The following GATA4 variants were observed in gnomAD, a reference collection of about 807,000 sequenced individuals.
GATA4 encodes transcription factor GATA-4.
In GATA4, 7 loss-of-function variants were observed where a neutral mutation model predicts 37.9. The ratio of observed to expected loss-of-function variants is 0.18; its 90% CI spans 0.11 to 0.35. GATA4 has a LOEUF of 0.35. Among genes scored for constraint, GATA4 ranks in the 10% least tolerant of loss-of-function variants. The pLI is 1.00. For missense variants in GATA4, 647 were observed against 653.0 expected, an observed-to-expected ratio of 0.99 and a Z score of 0.10; for synonymous variants, 372 against 292.6, an observed-to-expected ratio of 1.27 and a Z score of -2.77.
chr8:11,732,202 T>G (rs1011580590), intron 2 of GATA4, among the ~76,000 whole-genome samples: 1 of 152,244 alleles, frequency 6.6e-6, no homozygotes, highest in African/African-American at 2.4e-5. Flanking sequence ...ATTAACCATG[T>G]GTAATAAAAG....
At chr8:11,748,847 A>G in intron 2 of GATA4, 69 bp from the exon 3 acceptor site, 2 of 1,554,678 alleles carry the variant, frequency 1.3e-6, no homozygotes, top group South Asian at 1.1e-5. Flanking sequence ...AGATTCTCAG[A>G]TGTGAGAGCT....
chr8:11,693,562 C>CAGAGAGAGAGAGAGAGAGAGAG (rs139631153), intron 1 of GATA4, among the ~76,000 whole-genome samples: 11 of 72,228 alleles, frequency 1.5e-4, no homozygotes, highest in African/African-American at 5.0e-4. Flanking sequence ...CACACACACA[C>CAGAGAGAGAGAGAGAGAGAGAG]AGAGAGAGAG....
chr8:11,729,747 C>T (rs777090472), intron 2 of GATA4, among the ~76,000 whole-genome samples: 9 of 152,158 alleles, frequency 5.9e-5, no homozygotes, highest in Non-Finnish European at 1.0e-4. Context: ...GGGTTAAGTC[C>T]GCTGCCTTGT....
chr8:11,716,755 A>T (rs955003991), intron 2 of GATA4, among the ~76,000 whole-genome samples: 1 of 152,234 alleles, frequency 6.6e-6, no homozygotes, highest in East Asian at 1.9e-4. Context: ...AACCGGCTGC[A>T]GCGGTGGGAT....
intron 2 of GATA4, among the ~76,000 whole-genome samples, chr8:11,747,487 A>G (rs1466312573): frequency 6.6e-6 from 1 of 152,234 alleles, no homozygotes; most frequent in Non-Finnish European, 1.5e-5. Context: ...TGCTTATAAT[A>G]TGCACCTTTA....
At chr8:11,736,514 A>G (rs1310468518) in intron 2 of GATA4, among the ~76,000 whole-genome samples, 1 of 152,210 alleles carries the variant, frequency 6.6e-6, no homozygotes, top group African/African-American at 2.4e-5. Context: ...TCACTGCATC[A>G]GGAGAGCCCT....
chr8:11,727,354 G>GTT (rs1800976313), intron 2 of GATA4, among the ~76,000 whole-genome samples: 1 of 152,180 alleles, frequency 6.6e-6, no homozygotes, highest in Non-Finnish European at 1.5e-5. Context: ...TGCTGGGAAG[G>GTT]GGGGAGAGCT....
chr8:11,746,364 C>G (rs1802029989), intron 2 of GATA4, among the ~76,000 whole-genome samples: 1 of 152,072 alleles, frequency 6.6e-6, no homozygotes, highest in Non-Finnish European at 1.5e-5. Context: ...TGAACCCGGT[C>G]TCTAAAGAGC....
rs2130070594 is a variant in GATA4 at position 11,708,739 on chromosome 8, C to T, written c.427C>T (p.Leu143=). 1.5e-6 allele frequency: 2 copies of T among 1,318,728 alleles called. No individual in the cohort carries two copies. Among genetic ancestry groups the T allele is most frequent in the Non-Finnish European group, 1.9e-6 (2 of 1,041,698 alleles). 81.7% of individuals were successfully genotyped at this position (1,318,728 alleles called of 1,614,324 possible). A position where few individuals can be genotyped will look rare whatever the true frequency, so the allele number is the denominator to read the frequency against. Residue 143 remains leucine (L), a synonymous_variant, in exon 2 of 7, where the codon CTG becomes TTG. Coordinates refer to ENST00000532059, the MANE Select transcript of GATA4 (RefSeq NM_001308093.3). The surrounding 1 kb of genome is among the most constrained non-coding windows in gnomAD (Gnocchi z 6.7). The stretch of plus-strand genomic sequence containing the variant: ...TGGCGGCGGAGCGGCGGGTGCGGGC[C>T]TGGCGGGCCGCGAGCAGTACGGGCG... ...SSGGGAAGAG[L]AGREQYGRAG...
chr8:11,688,809 A>C (rs1799223506), upstream of GATA4, among the ~76,000 whole-genome samples: 1 of 152,262 alleles, frequency 6.6e-6, no homozygotes, highest in Non-Finnish European at 1.5e-5. Flanking sequence ...GCCCCAATTA[A>C]GAACCTAATC....
intron 6 of GATA4, 96 bp downstream of exon 6, chr8:11,757,179 G>A (rs117215662): frequency 1.3e-6 from 2 of 1,535,822 alleles, no homozygotes; most frequent in African/African-American, 2.7e-5. Context: ...TTGCAGCCAG[G>A]CCTCACAGGT....
chr8:11,708,554 G>T lies in GATA4; in HGVS notation c.242G>T (p.Gly81Val). 7.1e-7 allele frequency: 1 copy of T among 1,409,632 alleles called. No homozygotes were observed. The highest frequency in any genetic ancestry group is 9.2e-7 in the Non-Finnish European group (1 of 1,089,306). The allele number at this position is 1,409,632 out of a possible 1,614,324, so 87.3% of individuals were successfully genotyped here. Residue 81 changes from glycine (G) to valine (V), a missense_variant, in exon 2 of 7, where the codon GGG becomes GTG. Physicochemically the swap from Gly to Val is moderately radical, Grantham distance 109. Coordinates refer to ENST00000532059, the MANE Select transcript of GATA4 (RefSeq NM_001308093.3). The surrounding 1 kb of genome is among the most constrained non-coding windows in gnomAD (Gnocchi z 6.7). The part of the protein sequence containing the change: ...SGGAASGAGP[G>V]TQQGSPGWSQ... ...GGGGCCGCGTCTGGTGCGGGGCCCG[G>T]GACCCAGCAGGGCAGCCCGGGATGG...
chr8:11,725,105 T>A (rs1178095145), intron 2 of GATA4, among the ~76,000 whole-genome samples: 5 of 152,230 alleles, frequency 3.3e-5, no homozygotes, highest in Non-Finnish European at 7.3e-5. Flanking sequence ...GGAGTCACGC[T>A]CTGTCCTTGG....
intron 2 of GATA4, among the ~76,000 whole-genome samples, chr8:11,727,298 A>G (rs1800972677): frequency 6.6e-6 from 1 of 152,192 alleles, no homozygotes; most frequent in Non-Finnish European, 1.5e-5. Flanking sequence ...TTTCCCCAGG[A>G]CAAAGCAGAG....
chr8:11,730,360 C>G (rs905065549), intron 2 of GATA4, among the ~76,000 whole-genome samples: 1 of 152,212 alleles, frequency 6.6e-6, no homozygotes, highest in African/African-American at 2.4e-5. Context: ...AACCAGACAC[C>G]TCTTAGATCT....
intron 2 of GATA4, among the ~76,000 whole-genome samples, chr8:11,738,784 C>T (rs1044402430): frequency 5.9e-5 from 9 of 152,224 alleles, no homozygotes; most frequent in Non-Finnish European, 1.0e-4. Flanking sequence ...TGTCTGCTTT[C>T]CCACATCCCC....
intron 1 of GATA4, chr8:11,697,619 G>A (rs993433897): frequency 7.2e-5 from 71 of 985,316 alleles, no homozygotes; most frequent in Non-Finnish European, 8.3e-5. Flanking sequence ...CCGGACGGCC[G>A]GGCCTCCGGC....
chr8:11,725,458 G>A (rs925380659), intron 2 of GATA4, among the ~76,000 whole-genome samples: 2 of 152,262 alleles, frequency 1.3e-5, no homozygotes, highest in African/African-American at 4.8e-5. Flanking sequence ...CCGGGCACAC[G>A]CTGGGAAGTG....
intron 1 of GATA4, among the ~76,000 whole-genome samples, chr8:11,698,482 C>T (rs1288709878): frequency 6.6e-6 from 1 of 152,140 alleles, no homozygotes; most frequent in African/African-American, 2.4e-5. Flanking sequence ...TCATTTCTCT[C>T]TGCCCTGGTC....
Sources: gnomAD v4.1 joint callset for allele counts (sites outside exome capture counted in the v4.1 genomes callset) on GRCh38, gnomAD v4.1.1 for gene constraint, Gnocchi (gnomAD v3.1) non-coding constraint, MANE v1.5 for transcripts, NCBI Gene and HGNC (gene_info 2026-07-23, HGNC 2026-07-21) for gene names.